Variants in ITGAD observed in about 807,000 individuals in gnomAD.
ITGAD encodes the protein integrin alpha-D.
In ITGAD, 105 loss-of-function variants were observed where a neutral mutation model predicts 139.0. That is an observed-to-expected ratio of 0.76 (90% CI 0.65 to 0.89). The LOEUF is 0.89. Among genes scored for constraint, ITGAD ranks in the 40% least tolerant of loss-of-function variants. The probability of loss-of-function intolerance (pLI) is 0.00; values close to 1 mark genes in which losing one functional copy is unlikely to be tolerated. For synonymous variants in ITGAD, 569 were observed against 598.3 expected (o/e 0.95, Z 0.71); for missense variants, 1,384 against 1,487.3 (o/e 0.93, Z 1.14).
chr16:31,416,273 C>T lies in ITGAD; in HGVS notation c.2344C>T (p.Leu782Phe), dbSNP rs1244045847. 1.2e-6 allele frequency: 2 copies of T among 1,602,624 alleles called. No individual in the cohort carries two copies. The highest frequency in any genetic ancestry group is 1.7e-6 in the Non-Finnish European group (2 of 1,173,440). The change falls in exon 19 of 30, where the codon CTC becomes TTC. Residue 782 changes from leucine to phenylalanine, a missense_variant. Leu to Phe is a conservative substitution (Grantham distance 22). Coordinates refer to ENST00000389202, the MANE Select transcript of ITGAD (RefSeq NM_005353.3). ...CTGTGAAGGGGACCTGGGTGTCACC[C>T]TCAGCTTCTCAGGGTGAGCTGTAAC... ...GLCEGDLGVT[L>F]SFSGLQTLTV... is the part of the protein sequence containing the mutation.
Position 31,413,222 on chromosome 16 carries a change from C to T in ITGAD, c.1972C>T (p.Gln658Ter), listed in dbSNP as rs2081783257. The change falls in exon 16 of 30, where the codon CAG becomes TAG. Residue 658 changes from glutamine to a stop codon, truncating the protein, a stop_gained. Coordinates refer to ENST00000389202, the MANE Select transcript of ITGAD (RefSeq NM_005353.3). LOFTEE classifies it high-confidence loss of function. Reference protein sequence around the residue: ...AGDATVCLTIQKSSLDQLGDI... With the variant: ...AGDATVCLTI ...GGACGCCACCGTCTGTCTCACCATC[C>T]AGAAAAGCTCACTGGACCAGCTAGG... 1 of 1,614,032 alleles carries T rather than the reference C, an allele frequency of 6.2e-7. No homozygotes were observed. Among genetic ancestry groups the T allele is most frequent in the Admixed American group, 1.7e-5 (1 of 59,998 alleles).
intron 23 of ITGAD, among the ~76,000 whole-genome samples, chr16:31,420,144 G>A (rs902206179): frequency 6.6e-6 from 1 of 152,148 alleles, no homozygotes; most frequent in Non-Finnish European, 1.5e-5. Flanking sequence ...AACAGGATAT[G>A]GTCTGTCACC....
Position 31,426,255 on chromosome 16 carries a change from C to A in ITGAD, c.*127C>A. ...TAAGCAACCTACCAGGTGCTAAGCACCTTCTCGGAGAGATAGAGATTGTAA... is the reference window on the plus strand; with the variant it reads ...TAAGCAACCTACCAGGTGCTAAGCAACTTCTCGGAGAGATAGAGATTGTAA... On this transcript the variant is annotated 3_prime_UTR_variant, in exon 30 of 30. Transcript: ENST00000389202. 1.5e-6 allele frequency: 1 copy of A among 658,420 alleles called. No homozygotes were observed. The highest frequency in any genetic ancestry group is 2.8e-5 in the East Asian group (1 of 35,818). 40.8% of individuals were successfully genotyped at this position (658,420 alleles called of 1,614,324 possible). A position where few individuals can be genotyped will look rare whatever the true frequency, so the allele number is the denominator to read the frequency against.
intron 1 of ITGAD, among the ~76,000 whole-genome samples, chr16:31,393,637 T>C (rs28461986): frequency 0.015 from 2,297 of 152,196 alleles, 52 homozygotes; most frequent in African/African-American, 0.052. Context: ...CAGGCTTCCC[T>C]GCTCCCACTC....
rs139858862 is a variant in ITGAD, at chr16:31,414,643, G to A, written c.2151+38G>A. ...GGTTCTGGGAAGGGGGAGAGAGGAG[G>A]AGCCCAAGGCTGGCCTGGAGCACCC... On this transcript the variant is annotated intron_variant, in intron 17 of 29. Coordinates refer to ENST00000389202, the MANE Select transcript of ITGAD (RefSeq NM_005353.3). 5.9e-4 allele frequency: 952 copies of A among 1,601,470 alleles called. 5 individuals carry two copies. In the African/African-American group the frequency reaches 0.011, roughly 18 times the overall value.
chr16:31,411,616 T>C (rs2081718816), intron 14 of ITGAD, 99 bp downstream of exon 14: 1 of 1,180,470 alleles, frequency 8.5e-7, no homozygotes, highest in African/African-American at 1.5e-5. Flanking sequence ...CCTTCCTTGT[T>C]GCAGTGGTTT....
chr16:31,403,770 G>A lies in ITGAD; in HGVS notation c.704+125G>A, dbSNP rs1457100441. ...GAAAGGGGCTACCAAGGGGCATGTCGGGGCTGCAGGGAGAACCTCCCCCCG... is the reference window on the plus strand; with the variant it reads ...GAAAGGGGCTACCAAGGGGCATGTCAGGGCTGCAGGGAGAACCTCCCCCCG... On this transcript the variant is annotated intron_variant, in intron 7 of 29. Coordinates refer to ENST00000389202, the MANE Select transcript of ITGAD (RefSeq NM_005353.3). This position sits in a 1 kb window ranked among gnomAD's most constrained non-coding sequence, Gnocchi z 4.4. The A allele has an allele frequency of 1.6e-5, 20 of 1,244,310 alleles. No individual in the cohort carries two copies. The highest frequency in any genetic ancestry group is 4.8e-5 in the East Asian group (2 of 41,574). 77.1% of individuals were successfully genotyped at this position (1,244,310 alleles called of 1,614,324 possible).
rs574753120 is a variant in ITGAD, at chr16:31,416,204, T to C, written c.2284-9T>C. ...TCAGATGGGAACAGAATATACTATT[T>C]TGCTGCAGCTCCCCTTCGAGAAGAA... On this transcript the variant is annotated splice_polypyrimidine_tract_variant and intron_variant, in intron 18 of 29. Transcript: ENST00000389202. 5 of 1,596,890 alleles carry C rather than the reference T, an allele frequency of 3.1e-6. No homozygotes were observed. The highest frequency in any genetic ancestry group is 3.4e-6 in the Non-Finnish European group (4 of 1,169,126).
chr16:31,410,677 G>C, intron 11 of ITGAD, 59 bp from the exon 12 acceptor site: 1 of 1,568,938 alleles, frequency 6.4e-7, no homozygotes, highest in Non-Finnish European at 8.6e-7. Flanking sequence ...CTGGGGTGGG[G>C]GTCCAGGGTT....
chr16:31,412,027 TTC>T (rs1456503624), intron 14 of ITGAD, among the ~76,000 whole-genome samples: 1 of 151,946 alleles, frequency 6.6e-6, no homozygotes, highest in Non-Finnish European at 1.5e-5. Context: ...AAGAGCCCCC[TTC>T]TCTGTTTGGG....
At chr16:31,408,307 C>T (rs1233915789) in intron 9 of ITGAD, 118 bp from the exon 10 acceptor site, 1 of 826,500 alleles carries the variant, frequency 1.2e-6, no homozygotes, top group African/African-American at 1.7e-5. Context: ...TTCCTGTTCA[C>T]AACTCACTCA....
At chr16:31,393,901 T>C (rs545305296) in intron 1 of ITGAD, among the ~76,000 whole-genome samples, 52 of 152,130 alleles carry the variant, frequency 3.4e-4, no homozygotes, top group African/African-American at 1.2e-3. Flanking sequence ...GAGGCCGAGA[T>C]GGGCGTATCC....
intron 14 of ITGAD, 147 bp from the exon 15 acceptor site, chr16:31,412,691 C>A: frequency 2.0e-6 from 2 of 991,474 alleles, no homozygotes; most frequent in East Asian, 2.4e-5. Flanking sequence ...CCTACCTCCT[C>A]TTTTCAGGCT....
chr16:31,394,093 T>C, intron 1 of ITGAD, 143 bp from the exon 2 acceptor site: 1 of 512,212 alleles, frequency 2.0e-6, no homozygotes, highest in East Asian at 3.3e-5. Flanking sequence ...ATCGTGCCGT[T>C]GCACTCCAGC....
At chr16:31,417,228 A>ATTTG (rs2081914155) in intron 20 of ITGAD, among the ~76,000 whole-genome samples, 1 of 144,750 alleles carries the variant, frequency 6.9e-6, no homozygotes, top group African/African-American at 2.5e-5. Context: ...TTATTTATTT[A>ATTTG]TTTATTTATT....
At chr16:31,396,136 C>T (rs1025659430) in intron 2 of ITGAD, among the ~76,000 whole-genome samples, 1 of 152,140 alleles carries the variant, frequency 6.6e-6, no homozygotes, top group Non-Finnish European at 1.5e-5. Flanking sequence ...AACCCCTGGT[C>T]AGACTTCTGT....
intron 2 of ITGAD, 51 bp from the exon 3 acceptor site, chr16:31,397,308 G>T: frequency 7.7e-7 from 1 of 1,304,358 alleles, no homozygotes; most frequent in Non-Finnish European, 1.1e-6. Context: ...AGTGCCCGCT[G>T]CTCCCACCCC....
rs148435864 is a variant in ITGAD at position 31,416,747 on chromosome 16, GCTCT to G, written c.2499+115_2499+118del. ...TCAAAATTGTTCTGTGATGATATGT[GCTCT>G]CTCTCTCTCTCTCACACACACACAC... On this transcript the variant is annotated intron_variant, in intron 20 of 29. Coordinates refer to ENST00000389202, the MANE Select transcript of ITGAD (RefSeq NM_005353.3). 1,205 of 1,060,990 alleles carry G rather than the reference GCTCT, an allele frequency of 1.1e-3. 8 individuals carry two copies. Among genetic ancestry groups the G allele is most frequent in the South Asian group, 7.1e-3 (437 of 61,354 alleles). 65.7% of individuals were successfully genotyped at this position (1,060,990 alleles called of 1,614,324 possible). A position where few individuals can be genotyped will look rare whatever the true frequency, so the allele number is the denominator to read the frequency against.
chr16:31,413,993 G>A (rs542305602), intron 16 of ITGAD, among the ~76,000 whole-genome samples: 2 of 152,146 alleles, frequency 1.3e-5, no homozygotes, highest in Non-Finnish European at 2.9e-5. Context: ...CTTAGATTGT[G>A]AGGTTCATGA....
Sources: allele counts gnomAD v4.1 joint callset (sites outside exome capture counted in the v4.1 genomes callset), GRCh38; gene constraint gnomAD v4.1.1; non-coding constraint Gnocchi (gnomAD v3.1); transcripts MANE v1.5; gene names NCBI Gene and HGNC (gene_info 2026-07-23, HGNC 2026-07-21).